Variants in ALMS1 observed in about 807,000 individuals in gnomAD.
The protein encoded by ALMS1 is ALMS1 centrosome and basal body associated protein.
Under a neutral mutation model 352.2 loss-of-function variants are expected in ALMS1, and 271 were observed. The ratio of observed to expected loss-of-function variants is 0.77; its 90% CI spans 0.70 to 0.85. The LOEUF is 0.85. Ranked by LOEUF, ALMS1 falls within the 40% of genes least tolerant of loss-of-function variation. The pLI is 0.00. For missense variants in ALMS1, 5,445 were observed against 4,870.7 expected (o/e 1.12, Z -3.51); for synonymous variants, 1,865 against 1,761.2 (o/e 1.06, Z -1.48).
At chr2:73,590,319 C>T (rs1050615579) in intron 16 of ALMS1, among the ~76,000 whole-genome samples, 1 of 152,066 alleles carries the variant, frequency 6.6e-6, no homozygotes, top group African/African-American at 2.4e-5. Context: ...TCTGGTAAAA[C>T]TTCATTGTCA....
In ALMS1 at chr2:73,455,255, CAG is replaced by C; in HGVS notation, c.7637_7638del (p.Glu2546ValfsTer9). 6.2e-7 allele frequency: 1 copy of C among 1,614,060 alleles called. No individual in the cohort carries two copies. The highest frequency in any genetic ancestry group is 8.5e-7 in the Non-Finnish European group (1 of 1,180,004). On this transcript the variant is annotated frameshift_variant, in exon 9 of 23. Coordinates refer to ENST00000613296, the MANE Select transcript of ALMS1 (RefSeq NM_001378454.1). LOFTEE classifies it high-confidence loss of function. Reference sequence around the variant, plus strand: ...AGGAGGAAAGTAGAAGAGATCAAGGCAGAGTTATTTGGTCATGGAAGAACAAC... The same window carrying C: ...AGGAGGAAAGTAGAAGAGATCAAGGCAGTTATTTGGTCATGGAAGAACAAC...
chr2:73,602,100 G>C, intron 19 of ALMS1, 85 bp from the exon 20 acceptor site: 1 of 1,374,034 alleles, frequency 7.3e-7, no homozygotes, highest in Non-Finnish European at 1.0e-6. Flanking sequence ...AACCTCTTGG[G>C]CAGGTGGTGT....
Position 73,449,906 on chromosome 2 carries a change from C to T in ALMS1, c.3379C>T (p.Pro1127Ser), listed in dbSNP as rs182127619. 52 of 1,613,382 alleles carry T rather than the reference C, an allele frequency of 3.2e-5. No individual in the cohort carries two copies. In the African/African-American group the frequency reaches 5.6e-4, roughly 17 times the overall value. Residue 1127 changes from proline (P) to serine (S), a missense_variant, in exon 8 of 23, where the codon CCT (proline) becomes TCT (serine). By Grantham distance (74) the Pro-to-Ser change is moderately conservative (BLOSUM62 -1). Coordinates refer to ENST00000613296, the MANE Select transcript of ALMS1 (RefSeq NM_001378454.1). The part of the protein sequence containing the change: ...PKEALKISVA[P>S]GLADQKTGTP... Reference sequence around the variant, plus strand: ...AGAGGCTCTGAAAATTTCAGTAGCTCCTGGACTAGCAGACCAGAAGACTGG... The same window carrying T: ...AGAGGCTCTGAAAATTTCAGTAGCTTCTGGACTAGCAGACCAGAAGACTGG...
chr2:73,536,467 C>T (rs1674030592), intron 12 of ALMS1, among the ~76,000 whole-genome samples: 1 of 151,888 alleles, frequency 6.6e-6, no homozygotes, highest in Non-Finnish European at 1.5e-5. Flanking sequence ...ATCTAGTTGC[C>T]ATACACACTT....
intron 9 of ALMS1, among the ~76,000 whole-genome samples, chr2:73,482,638 G>C (rs1418118415): frequency 6.6e-6 from 1 of 152,234 alleles, no homozygotes; most frequent in Non-Finnish European, 1.5e-5. Flanking sequence ...GATTGGAATA[G>C]TTTCAGAAGG....
chr2:73,600,642 G>C (rs372113855), intron 17 of ALMS1, 36 bp from the exon 18 acceptor site: 3 of 1,578,652 alleles, frequency 1.9e-6, no homozygotes, highest in Non-Finnish European at 2.6e-6. Context: ...CAGCCTCAAG[G>C]TTACTCCCAG....
chr2:73,556,598 TCTTTTTTC>T (rs1477330332), intron 13 of ALMS1, among the ~76,000 whole-genome samples: 3 of 151,646 alleles, frequency 2.0e-5, no homozygotes, highest in African/African-American at 7.3e-5. Flanking sequence ...ATTGTTCACA[TCTTTTTTC>T]CTTTGAAAAA....
rs1215806199 is a variant in ALMS1, at chr2:73,555,090, A to T, written c.10079-2130A>T. Among the ~76,000 whole-genome samples, 6 of 152,336 alleles carry T rather than the reference A, an allele frequency of 3.9e-5. No homozygotes were observed. In the East Asian group the frequency reaches 1.2e-3, roughly 29 times the overall value. ...CTAAATTAATTTCTAAATTAAATGC[A>T]TTGCTACTCAGAATTCCAGTAGGAT... is the stretch of plus-strand genomic sequence containing the variant. On this transcript the variant is annotated intron_variant, in intron 13 of 22. Transcript: ENST00000613296.
intron 15 of ALMS1, among the ~76,000 whole-genome samples, chr2:73,568,097 C>T (rs1212869894): frequency 6.6e-6 from 1 of 151,934 alleles, no homozygotes; most frequent in African/African-American, 2.4e-5. Context: ...ATGCAAATGG[C>T]CATTAAAGAT....
chr2:73,520,072 C>A, intron 11 of ALMS1, 56 bp downstream of exon 11: 1 of 1,609,656 alleles, frequency 6.2e-7, no homozygotes, highest in Non-Finnish European at 8.5e-7. Context: ...GTGTAGTTAT[C>A]TTAGAAATTT....
chr2:73,493,934 A>G (rs747650133), intron 10 of ALMS1, among the ~76,000 whole-genome samples: 2 of 152,206 alleles, frequency 1.3e-5, no homozygotes, highest in African/African-American at 2.4e-5. Flanking sequence ...AGAAATCTAA[A>G]TGTAGCTTAT....
rs754602489 is a variant in ALMS1, at chr2:73,572,428, T to G, written c.10551T>G (p.His3517Gln). 1.2e-6 allele frequency: 2 copies of G among 1,613,342 alleles called. No individual in the cohort carries two copies. Among genetic ancestry groups the G allele is most frequent in the South Asian group, 1.1e-5 (1 of 90,724 alleles). ...MRHSWKDFFQ[H>Q]HPDKHREHMC... ...ATTCTTGGAAAGATTTCTTTCAGCA[T>G]CATCCAGACAAACATAGAGAACACA... The change falls in exon 16 of 23, where the codon CAT (histidine) becomes CAG (glutamine). Residue 3517 changes from histidine to glutamine, a missense_variant. By Grantham distance (24) the His-to-Gln change is conservative. Coordinates refer to ENST00000613296, the MANE Select transcript of ALMS1 (RefSeq NM_001378454.1).
At position 73,450,145 on chromosome 2, in the gene ALMS1, G is replaced by T. The variant is rs755365899; in HGVS notation, c.3618G>T (p.Leu1206Phe). 1.2e-6 allele frequency: 2 copies of T among 1,613,986 alleles called. No homozygotes were observed. The highest frequency in any genetic ancestry group is 4.5e-5 in the East Asian group (2 of 44,854). ...EKPGIFYQQT[L>F]PGSHIPEEAQ... ...CTGGTATTTTCTATCAACAGACCTTGCCAGGTAGTCACATACCTGAAGAGG... is the reference window on the plus strand; with the variant it reads ...CTGGTATTTTCTATCAACAGACCTTTCCAGGTAGTCACATACCTGAAGAGG... The change falls in exon 8 of 23, where the codon TTG becomes TTT. Residue 1206 changes from leucine (L) to phenylalanine (F), a missense_variant. Leu to Phe is a conservative substitution (Grantham distance 22). Coordinates refer to ENST00000613296, the MANE Select transcript of ALMS1 (RefSeq NM_001378454.1).
At chr2:73,505,202 A>G (rs1218549205) in intron 10 of ALMS1, among the ~76,000 whole-genome samples, 1 of 152,212 alleles carries the variant, frequency 6.6e-6, no homozygotes, top group Non-Finnish European at 1.5e-5. Flanking sequence ...ATGTGTCTTT[A>G]TAGTAGAATG....
At chr2:73,534,720 C>T in intron 11 of ALMS1, 104 bp from the exon 12 acceptor site, 1 of 1,275,524 alleles carries the variant, frequency 7.8e-7, no homozygotes, top group Admixed American at 1.9e-5. Flanking sequence ...CTCATAAATT[C>T]CAAAAGTCAT....
At chr2:73,446,958 A>G (rs899128435) in intron 7 of ALMS1, among the ~76,000 whole-genome samples, 1 of 152,178 alleles carries the variant, frequency 6.6e-6, no homozygotes, top group Non-Finnish European at 1.5e-5. Flanking sequence ...CTATATATCA[A>G]TCATCTTAAC....
intron 21 of ALMS1, among the ~76,000 whole-genome samples, chr2:73,606,908 T>G (rs4852308): frequency 0.51 from 77,358 of 152,124 alleles, 22,627 homozygotes; most frequent in East Asian, 0.77. Context: ...GGAAAGAACA[T>G]AGCTCTTTTA....
intron 15 of ALMS1, among the ~76,000 whole-genome samples, chr2:73,566,566 G>A (rs1674804903): frequency 6.6e-6 from 1 of 152,214 alleles, no homozygotes; most frequent in African/African-American, 2.4e-5. Flanking sequence ...TTTGGACCAT[G>A]GTTGACTATG....
rs762184977 is a variant in ALMS1 at position 73,448,379 on chromosome 2, A to G, written c.1852A>G (p.Thr618Ala). 1.2e-5 allele frequency: 20 copies of G among 1,613,626 alleles called. No individual in the cohort carries two copies. Among genetic ancestry groups the G allele is most frequent in the Admixed American group, 1.7e-5 (1 of 59,964 alleles). Residue 618 changes from threonine (T) to alanine (A), a missense_variant, in exon 8 of 23, where the codon ACC becomes GCC. Transcript: ENST00000613296. ...ADQTTGMSTLTSTSYSHREKP... is the reference protein window; with the variant it reads ...ADQTTGMSTLASTSYSHREKP... ...CCAGACAACTGGCATGTCAACTCTA[A>G]CCTCTACTTCCTACTCACATAGAGA...
Sources: allele counts gnomAD v4.1 joint callset (sites outside exome capture counted in the v4.1 genomes callset), GRCh38; gene constraint gnomAD v4.1.1; transcripts MANE v1.5; gene names NCBI Gene and HGNC (gene_info 2026-07-23, HGNC 2026-07-21).